Variants in USP34 observed in about 807,000 individuals in gnomAD.
USP34 encodes the protein ubiquitin carboxyl-terminal hydrolase 34.
In USP34, 70 loss-of-function variants were observed where a neutral mutation model predicts 460.3. That is an observed-to-expected ratio of 0.15 (90% CI 0.13 to 0.19). The LOEUF (loss-of-function observed/expected upper bound fraction) is 0.19, where lower values mean the gene tolerates loss of function less well. Ranked by LOEUF, USP34 falls within the 10% of genes least tolerant of loss-of-function variation. The pLI is 1.00. For synonymous variants in USP34, 1,647 were observed against 1,405.3 expected (o/e 1.17, Z -3.85); for missense variants, 3,985 against 4,236.2 (o/e 0.94, Z 1.65).
intron 10 of USP34, among the ~76,000 whole-genome samples, chr2:61,353,239 G>A (rs1368200931): frequency 6.6e-6 from 1 of 152,162 alleles, no homozygotes; most frequent in Non-Finnish European, 1.5e-5. Flanking sequence ...CAGGCACAGA[G>A]GCTGGCTGCC....
intron 10 of USP34, among the ~76,000 whole-genome samples, chr2:61,352,453 C>T (rs979294673): frequency 5.3e-5 from 8 of 150,848 alleles, no homozygotes; most frequent in African/African-American, 1.9e-4. Flanking sequence ...TTATTGAAAC[C>T]TTGTTGGGGT....
intron 1 of USP34, among the ~76,000 whole-genome samples, chr2:61,458,418 G>A (rs1016639806): frequency 2.0e-5 from 3 of 151,576 alleles, no homozygotes; most frequent in Non-Finnish European, 2.9e-5. Flanking sequence ...AAAATTAGCC[G>A]GGCGTGGTGG....
chr2:61,206,999 A>G, intron 70 of USP34, 113 bp from the exon 71 acceptor site: 1 of 1,155,726 alleles, frequency 8.7e-7, no homozygotes, highest in Admixed American at 2.6e-5. Context: ...CTGTGTGTGC[A>G]CATGTGTGCA....
chr2:61,399,066 C>T (rs1440762899), intron 3 of USP34, among the ~76,000 whole-genome samples: 1 of 152,140 alleles, frequency 6.6e-6, no homozygotes, highest in Non-Finnish European at 1.5e-5. Context: ...GCTAAAAAAT[C>T]TCCTAACGGC....
At chr2:61,430,264 C>T (rs1694631261) in intron 1 of USP34, among the ~76,000 whole-genome samples, 1 of 151,262 alleles carries the variant, frequency 6.6e-6, no homozygotes, top group Non-Finnish European at 1.5e-5. Context: ...ATTAGCCAGG[C>T]GTGCTGGCAC....
intron 5 of USP34, among the ~76,000 whole-genome samples, 198 bp from the exon 6 acceptor site, chr2:61,383,534 A>G (rs1345996508): frequency 2.0e-5 from 3 of 151,980 alleles, no homozygotes; most frequent in Non-Finnish European, 4.4e-5. Context: ...AAAACCCCGT[A>G]TCTACTAAAA....
chr2:61,355,684 T>A (rs1242143349), intron 10 of USP34, among the ~76,000 whole-genome samples: 3 of 151,136 alleles, frequency 2.0e-5, no homozygotes, highest in Non-Finnish European at 3.0e-5. Context: ...AAGGCAGTAA[T>A]GGAAGAAATG....
intron 10 of USP34, among the ~76,000 whole-genome samples, chr2:61,357,981 A>T: frequency 6.6e-6 from 1 of 152,264 alleles, no homozygotes; most frequent in Non-Finnish European, 1.5e-5. Flanking sequence ...ACATGAGGTC[A>T]TAAGTTTGAG....
intron 44 of USP34, among the ~76,000 whole-genome samples, chr2:61,258,821 A>G (rs1274392931): frequency 6.6e-6 from 1 of 152,210 alleles, no homozygotes; most frequent in Non-Finnish European, 1.5e-5. Flanking sequence ...ACTAAGATAA[A>G]TCAGCTAGAA....
chr2:61,344,508 T>C (rs1172591105), intron 15 of USP34, among the ~76,000 whole-genome samples: 1 of 152,128 alleles, frequency 6.6e-6, no homozygotes, highest in Non-Finnish European at 1.5e-5. Context: ...TTACCGGACA[T>C]AAAGACAAAA....
chr2:61,192,695 T>C (rs894124311), intron 76 of USP34, among the ~76,000 whole-genome samples: 15 of 152,246 alleles, frequency 9.9e-5, no homozygotes, highest in Non-Finnish European at 1.5e-4. Flanking sequence ...TCCTCTATGA[T>C]AGAAATCTAC....
chr2:61,349,035 T>G, intron 13 of USP34, 149 bp from the exon 14 acceptor site: 1 of 1,123,088 alleles, frequency 8.9e-7, no homozygotes. Flanking sequence ...TAACATTTGC[T>G]CATGATTTCT....
chr2:61,266,408 G>T (rs530716962), intron 41 of USP34, among the ~76,000 whole-genome samples: 2 of 152,014 alleles, frequency 1.3e-5, no homozygotes, highest in East Asian at 3.9e-4. Context: ...GACTCTTCAC[G>T]TACAATGTTG....
rs573141656 is a variant in USP34, at chr2:61,274,863, T to C, written c.5433+3302A>G. Among the ~76,000 whole-genome samples the C allele has an allele frequency of 2.0e-5, 3 of 152,376 alleles. No individual in the cohort carries two copies. In the East Asian group the frequency reaches 5.8e-4, roughly 29 times the overall value. On this transcript the variant is annotated intron_variant, in intron 41 of 79. Transcript: ENST00000398571. Reference sequence around the variant, plus strand: ...ACTAGCAGTTCTAACTTTTAGAATGTCTTCCTACATTTCCTAAATCTATGT... The same window carrying C: ...ACTAGCAGTTCTAACTTTTAGAATGCCTTCCTACATTTCCTAAATCTATGT...
chr2:61,385,997 C>CAAAAAAA (rs58518474), intron 5 of USP34, among the ~76,000 whole-genome samples: 4 of 99,452 alleles, frequency 4.0e-5, no homozygotes, highest in Non-Finnish European at 2.1e-5. Context: ...ACTCTGTCTC[C>CAAAAAAA]AAAAAAAAAA....
At chr2:61,326,847 G>C (rs1427594006) in intron 20 of USP34, among the ~76,000 whole-genome samples, 1 of 144,222 alleles carries the variant, frequency 6.9e-6, no homozygotes, top group Non-Finnish European at 1.5e-5. Context: ...GCAGTAGCGT[G>C]ATCTCAGCTC....
At chr2:61,217,674 AG>A (rs764135930) in intron 67 of USP34, among the ~76,000 whole-genome samples, 7 of 152,212 alleles carry the variant, frequency 4.6e-5, no homozygotes, top group Non-Finnish European at 7.3e-5. Flanking sequence ...AGGGCAAACC[AG>A]CAGGGCACAG....
Position 61,301,378 on chromosome 2 carries a change from A to G in USP34, c.3894T>C (p.His1298=). Residue 1298 remains histidine, a synonymous_variant, in exon 28 of 80, where the codon CAT becomes CAC. Transcript: ENST00000398571. ...CCTGCATATCCTTAAAACCAAGCTC[A>G]TGAAGTGCTTTTTCATCATAATCTG... is the stretch of plus-strand genomic sequence containing the variant. ...LTTDYDEKAL[H]ELGFKDMQMV... 6.2e-7 allele frequency: 1 copy of G among 1,613,890 alleles called. No individual in the cohort carries two copies. The highest frequency in any genetic ancestry group is 8.5e-7 in the Non-Finnish European group (1 of 1,179,838).
chr2:61,420,404 C>T (rs993822250), intron 2 of USP34, among the ~76,000 whole-genome samples: 2 of 152,120 alleles, frequency 1.3e-5, no homozygotes, highest in Non-Finnish European at 2.9e-5. Context: ...GTATCCCCTA[C>T]CACAATGACT....
Sources: allele counts gnomAD v4.1 joint callset (sites outside exome capture counted in the v4.1 genomes callset), GRCh38; gene constraint gnomAD v4.1.1; transcripts MANE v1.5; gene names NCBI Gene and HGNC (gene_info 2026-07-23, HGNC 2026-07-21).